DNAJC2: variants seen among roughly 807,000 people sequenced by gnomAD.
DNAJC2 encodes dnaJ homolog subfamily C member 2.
Under a neutral mutation model 94.0 loss-of-function variants are expected in DNAJC2, and 32 were observed. That is an observed-to-expected ratio of 0.34 (90% CI 0.26 to 0.46). The LOEUF is 0.46. Among genes scored for constraint, DNAJC2 ranks in the 20% least tolerant of loss-of-function variants. The pLI, the probability that DNAJC2 is intolerant of heterozygous loss-of-function variation, is 1.00. For synonymous variants in DNAJC2, 210 were observed against 229.7 expected (o/e 0.91, Z 0.77); for missense variants, 550 against 719.5 (o/e 0.76, Z 2.69).
At chr7:103,318,742 CTT>C (rs1554565702) in intron 12 of DNAJC2, among the ~76,000 whole-genome samples, 2 of 152,102 alleles carry the variant, frequency 1.3e-5, no homozygotes, top group Non-Finnish European at 2.9e-5. Flanking sequence ...ACAAAGATCT[CTT>C]TTGGTTCTAA....
Position 103,319,604 on chromosome 7 carries a change from A to G in DNAJC2, c.1242+5T>C. 1.9e-6 allele frequency: 3 copies of G among 1,613,830 alleles called. No homozygotes were observed. The highest frequency in any genetic ancestry group is 2.7e-5 in the African/African-American group (2 of 75,016). On this transcript the variant is annotated splice_donor_5th_base_variant and intron_variant, in intron 12 of 16. Transcript: ENST00000379263. ...ATAGGTAGGAGTGATGTGTTCCTCT[A>G]TTACCTGTTTTTCCAAAGCAGCCTT... is the stretch of plus-strand genomic sequence containing the variant.
In DNAJC2 at chr7:103,327,774, G is replaced by A; in HGVS notation, c.332-20C>T. The A allele has an allele frequency of 6.4e-7, 1 of 1,550,746 alleles. No homozygotes were observed. Among genetic ancestry groups the A allele is most frequent in the East Asian group, 2.2e-5 (1 of 44,520 alleles). On this transcript the variant is annotated intron_variant, in intron 3 of 16. Transcript: ENST00000379263. Reference sequence around the variant, plus strand: ...CTTTATCTACAAAACCAGTCAGATTGAGATAATTTGTCACTTTAAGCACCA... The same window carrying A: ...CTTTATCTACAAAACCAGTCAGATTAAGATAATTTGTCACTTTAAGCACCA...
rs779946577 is a variant in DNAJC2, at chr7:103,321,938, T to C, written c.1077A>G (p.Ser359=). The stretch of plus-strand genomic sequence containing the variant: ...TTTGTTCAGTCTGATATACCTTGCA[T>C]GAGTTTCGAAGTTTTTGCCTTTCCT... ...IKKERQKLRN[S]CKTWNHFSDN... The change falls in exon 10 of 17, where the codon TCA becomes TCG. Residue 359 remains serine (S), a synonymous_variant. Coordinates refer to ENST00000379263, the MANE Select transcript of DNAJC2 (RefSeq NM_014377.3). 5.6e-6 allele frequency: 9 copies of C among 1,613,246 alleles called. No homozygotes were observed. Among genetic ancestry groups the C allele is most frequent in the Non-Finnish European group, 7.6e-6 (9 of 1,179,536 alleles).
chr7:103,313,830 AAAAGTAGAATG>A, intron 15 of DNAJC2: 1 of 985,206 alleles, frequency 1.0e-6, no homozygotes. Flanking sequence ...TTGTGTAGGT[AAAAGTAGAATG>A]TTAAGTGGTA....
intron 3 of DNAJC2, among the ~76,000 whole-genome samples, chr7:103,331,488 C>T (rs1400339753): frequency 1.3e-5 from 2 of 152,048 alleles, no homozygotes; most frequent in South Asian, 2.1e-4. Flanking sequence ...ATCCATTGAC[C>T]AACCTCTCTT....
At position 103,312,475 on chromosome 7, in the gene DNAJC2, A is replaced by G. The variant is rs1421203900; in HGVS notation, c.*94T>C. On this transcript the variant is annotated 3_prime_UTR_variant, in exon 17 of 17. Transcript: ENST00000379263. ...TGAGAAATTATGTTGGAAGCAGCAT[A>G]CTTTCAAATTATTACCATGAGTATA... 9 of 1,553,054 alleles carry G rather than the reference A, an allele frequency of 5.8e-6. No individual in the cohort carries two copies. Among genetic ancestry groups the G allele is most frequent in the African/African-American group, 2.8e-5 (2 of 72,264 alleles).
At chr7:103,314,994 A>T (rs1250303547) in intron 15 of DNAJC2, among the ~76,000 whole-genome samples, 2 of 152,134 alleles carry the variant, frequency 1.3e-5, no homozygotes, top group Non-Finnish European at 2.9e-5. Flanking sequence ...TCCTAAACAA[A>T]GACACACGTG....
intron 5 of DNAJC2, 111 bp from the exon 6 acceptor site, chr7:103,324,673 C>T: frequency 9.8e-7 from 1 of 1,019,106 alleles, no homozygotes; most frequent in Non-Finnish European, 1.3e-6. Flanking sequence ...CTCTGATTTC[C>T]CTTCCCTACA....
intron 15 of DNAJC2, 196 bp from the exon 16 acceptor site, chr7:103,313,297 GAAAAT>G (rs1310294235): frequency 7.6e-6 from 10 of 1,323,020 alleles, no homozygotes; most frequent in Non-Finnish European, 9.6e-6. Context: ...TCACATCCCA[GAAAAT>G]AAAATCTCAA....
chr7:103,344,607 T>C lies in DNAJC2; in HGVS notation c.16A>G (p.Ser6Gly), dbSNP rs1819529272. 6.2e-7 allele frequency: 1 copy of C among 1,612,070 alleles called. No homozygotes were observed. The highest frequency in any genetic ancestry group is 1.3e-5 in the African/African-American group (1 of 74,908). Residue 6 changes from serine (S) to glycine (G), a missense_variant, in exon 1 of 17, where the codon AGC becomes GGC. By Grantham distance (56) the Ser-to-Gly change is moderately conservative. This residue lies in a region of DNAJC2 where 279 missense variants were observed against 416.9 expected (regional missense o/e 0.67). Coordinates refer to ENST00000379263, the MANE Select transcript of DNAJC2 (RefSeq NM_014377.3). ...GCGGTGCCCCGGCCGTCCGCGGCGC[T>C]TGGCAGAAGCAGCATGATGGCGCCG... MLLLP[S>G]AADGRGTAIT... is the part of the protein sequence containing the mutation.
At chr7:103,331,087 T>C (rs982355023) in intron 3 of DNAJC2, among the ~76,000 whole-genome samples, 12 of 151,748 alleles carry the variant, frequency 7.9e-5, no homozygotes, top group Admixed American at 1.3e-4. Context: ...CTCTGGAGTA[T>C]CTGGGATTAC....
At chr7:103,328,322 G>A (rs971833364) in intron 3 of DNAJC2, among the ~76,000 whole-genome samples, 4 of 151,974 alleles carry the variant, frequency 2.6e-5, no homozygotes, top group Non-Finnish European at 4.4e-5. Context: ...GTTTTCTTAA[G>A]CATATGCTTT....
intron 13 of DNAJC2, 149 bp from the exon 14 acceptor site, chr7:103,316,237 T>A (rs1210249761): frequency 6.4e-6 from 3 of 470,912 alleles, no homozygotes; most frequent in Non-Finnish European, 1.1e-5. Context: ...TACTATAAAT[T>A]CCTGTTGCCT....
Position 103,337,743 on chromosome 7 carries a change from T to C in DNAJC2, c.324A>G (p.Lys108=). 1 of 1,613,114 alleles carries C rather than the reference T, an allele frequency of 6.2e-7. No homozygotes were observed. The highest frequency in any genetic ancestry group is 8.5e-7 in the Non-Finnish European group (1 of 1,179,242). ...AAATAACTAAGTACTTACGAGCTGC[T>C]TTGATCTGTCTCTGTGTAGCCTTGT... The part of the protein sequence containing the change: ...VRYKATQRQI[K]AAHKAMVLKH... Residue 108 remains lysine, a synonymous_variant, in exon 3 of 17, where the codon AAA becomes AAG. Coordinates refer to ENST00000379263, the MANE Select transcript of DNAJC2 (RefSeq NM_014377.3).
In DNAJC2 at chr7:103,322,843, G is replaced by T; in HGVS notation, c.720-49C>A. The T allele has an allele frequency of 2.9e-6, 4 of 1,394,950 alleles. No individual in the cohort carries two copies. In the South Asian group the frequency reaches 3.6e-5, roughly 13 times the overall value. 86.4% of individuals were successfully genotyped at this position (1,394,950 alleles called of 1,614,324 possible). On this transcript the variant is annotated intron_variant, in intron 7 of 16. Transcript: ENST00000379263. ...ACAAACTACTGCTTATAGATGCTATGACTGGAAAATGCAATATTTTATAAA... is the reference window on the plus strand; with the variant it reads ...ACAAACTACTGCTTATAGATGCTATTACTGGAAAATGCAATATTTTATAAA...
At chr7:103,315,323 T>C (rs1817988655) in intron 15 of DNAJC2, among the ~76,000 whole-genome samples, 1 of 152,158 alleles carries the variant, frequency 6.6e-6, no homozygotes, top group Non-Finnish European at 1.5e-5. Context: ...TTGCTAATTA[T>C]TTTTACCTAT....
intron 15 of DNAJC2, chr7:103,314,526 C>T (rs1237881633): frequency 2.0e-6 from 2 of 985,268 alleles, no homozygotes; most frequent in Non-Finnish European, 2.4e-6. Context: ...AACAAGTCCC[C>T]CTAAGAAAGA....
At chr7:103,326,246 G>A (rs1355934837) in intron 5 of DNAJC2, among the ~76,000 whole-genome samples, 1 of 152,136 alleles carries the variant, frequency 6.6e-6, no homozygotes, top group East Asian at 1.9e-4. Flanking sequence ...CCAAAGTGCT[G>A]GGATTACAGG....
At chr7:103,327,417 G>T in intron 4 of DNAJC2, 1 of 941,364 alleles carries the variant, frequency 1.1e-6, no homozygotes, top group Non-Finnish European at 1.6e-6. Context: ...GTTTGGGGCA[G>T]GGCCTGAGAC....
Sources: gnomAD v4.1 joint callset for allele counts (sites outside exome capture counted in the v4.1 genomes callset) on GRCh38, gnomAD v4.1.1 for gene constraint, gnomAD v4.1.1 regional missense constraint, MANE v1.5 for transcripts, NCBI Gene and HGNC (gene_info 2026-07-23, HGNC 2026-07-21) for gene names.